NXPH1: variants seen among roughly 807,000 people sequenced by gnomAD.
NXPH1 encodes neurexophilin-1.
A neutral mutation model predicts 23.7 loss-of-function variants in NXPH1; 5 were observed. The ratio of observed to expected loss-of-function variants is 0.21; its 90% CI spans 0.11 to 0.44. The LOEUF is 0.44. NXPH1 is among the 20% of genes least tolerant of loss of function. NXPH1 has a pLI of 0.99. For synonymous variants in NXPH1, 144 were observed against 122.2 expected, an observed-to-expected ratio of 1.18 and a Z score of -1.18; for missense variants, 324 against 321.6, an observed-to-expected ratio of 1.01 and a Z score of -0.06.
chr7:8,750,601 A>C (rs910096163), intron 2 of NXPH1, among the ~76,000 whole-genome samples: 14 of 152,200 alleles, frequency 9.2e-5, no homozygotes, highest in Non-Finnish European at 2.1e-4. Flanking sequence ...TTTTGTGCTA[A>C]GAAGTAATTA....
chr7:8,585,334 T>G (rs1390054143), intron 2 of NXPH1, among the ~76,000 whole-genome samples: 2 of 139,058 alleles, frequency 1.4e-5, no homozygotes, highest in African/African-American at 3.2e-5. Context: ...TGCCTGGGAG[T>G]GGGGAGTTCA....
chr7:8,473,556 T>C (rs1029522), intron 2 of NXPH1, among the ~76,000 whole-genome samples: 57,610 of 151,948 alleles, frequency 0.38, 11,323 homozygotes, highest in East Asian at 0.61. Context: ...CTTATTATTG[T>C]ACTGTATTAT....
chr7:8,705,414 A>C (rs1432334074), intron 2 of NXPH1, among the ~76,000 whole-genome samples: 1 of 152,170 alleles, frequency 6.6e-6, no homozygotes, highest in East Asian at 1.9e-4. Context: ...GGAACTTTTC[A>C]TCCCTGCCAG....
chr7:8,572,620 G>A (rs897382798), intron 2 of NXPH1, among the ~76,000 whole-genome samples: 1 of 151,992 alleles, frequency 6.6e-6, no homozygotes, highest in African/African-American at 2.4e-5. Flanking sequence ...CTGATATTAA[G>A]CAGATGTGCT....
intron 2 of NXPH1, among the ~76,000 whole-genome samples, chr7:8,727,795 G>C (rs1158503212): frequency 2.0e-5 from 3 of 152,022 alleles, no homozygotes; most frequent in Non-Finnish European, 2.9e-5. Context: ...TTGTTCTTTT[G>C]GCTTAGGATT....
intron 2 of NXPH1, among the ~76,000 whole-genome samples, chr7:8,492,198 T>G (rs1263686249): frequency 1.3e-5 from 2 of 152,064 alleles, no homozygotes; most frequent in Admixed American, 6.6e-5. Context: ...AATTTTAGAT[T>G]TTTTCCTTTT....
intron 2 of NXPH1, among the ~76,000 whole-genome samples, chr7:8,699,533 C>T (rs1414750697): frequency 6.6e-6 from 1 of 152,098 alleles, no homozygotes; most frequent in East Asian, 1.9e-4. Context: ...ACAGATATGA[C>T]AGTTTTGTGA....
At chr7:8,487,052 G>A (rs1817170596) in intron 2 of NXPH1, among the ~76,000 whole-genome samples, 1 of 151,964 alleles carries the variant, frequency 6.6e-6, no homozygotes, top group Non-Finnish European at 1.5e-5. Context: ...ATTGCACATT[G>A]AGAGCCTTTA....
intron 2 of NXPH1, among the ~76,000 whole-genome samples, chr7:8,538,928 T>C (rs1167157584): frequency 6.6e-6 from 1 of 151,940 alleles, no homozygotes; most frequent in Non-Finnish European, 1.5e-5. Context: ...CCAATGTGTT[T>C]TGAATGTTTG....
At chr7:8,701,826 A>G (rs1174565249) in intron 2 of NXPH1, among the ~76,000 whole-genome samples, 1 of 152,100 alleles carries the variant, frequency 6.6e-6, no homozygotes, top group Non-Finnish European at 1.5e-5. Flanking sequence ...CAAAATTCTA[A>G]AAATAATAAC....
At chr7:8,546,861 A>C (rs937210660) in intron 2 of NXPH1, among the ~76,000 whole-genome samples, 2 of 151,436 alleles carry the variant, frequency 1.3e-5, no homozygotes, top group African/African-American at 4.8e-5. Flanking sequence ...AACCACAAGA[A>C]CAGTAATATC....
At chr7:8,523,577 T>C (rs1388152570) in intron 2 of NXPH1, among the ~76,000 whole-genome samples, 1 of 152,222 alleles carries the variant, frequency 6.6e-6, no homozygotes, top group African/African-American at 2.4e-5. Context: ...AAGGATTAGA[T>C]ACATTTGGGG....
chr7:8,723,919 A>G (rs958134368), intron 2 of NXPH1, among the ~76,000 whole-genome samples: 3 of 152,252 alleles, frequency 2.0e-5, no homozygotes, highest in Admixed American at 6.5e-5. Context: ...AGTAGCCAAC[A>G]TGAAGCTAGA....
At chr7:8,615,846 A>G (rs983107716) in intron 2 of NXPH1, among the ~76,000 whole-genome samples, 6 of 152,096 alleles carry the variant, frequency 3.9e-5, no homozygotes, top group African/African-American at 1.4e-4. Context: ...TGACAGCTGC[A>G]TGGGTTATAA....
At chr7:8,556,417 G>T (rs1383977893) in intron 2 of NXPH1, among the ~76,000 whole-genome samples, 1 of 151,676 alleles carries the variant, frequency 6.6e-6, no homozygotes, top group African/African-American at 2.4e-5. Flanking sequence ...CTGTCAAGTT[G>T]GTTCCGGTTG....
chr7:8,609,724 A>T (rs1308555437), intron 2 of NXPH1, among the ~76,000 whole-genome samples: 1 of 152,300 alleles, frequency 6.6e-6, no homozygotes, highest in African/African-American at 2.4e-5. Flanking sequence ...AATGATCTCA[A>T]CATGACACAA....
chr7:8,585,092 T>C (rs1818954627), intron 2 of NXPH1, among the ~76,000 whole-genome samples: 1 of 152,274 alleles, frequency 6.6e-6, no homozygotes, highest in Non-Finnish European at 1.5e-5. Context: ...ATATTTTTAC[T>C]GCTCTCTTTT....
intron 2 of NXPH1, among the ~76,000 whole-genome samples, chr7:8,722,352 C>G (rs1779982446): frequency 6.6e-6 from 1 of 152,146 alleles, no homozygotes; most frequent in African/African-American, 2.4e-5. Flanking sequence ...ATTTTCCCTT[C>G]AGAGCCTGAA....
chr7:8,704,961 A>G (rs924576390), intron 2 of NXPH1, among the ~76,000 whole-genome samples: 4 of 152,090 alleles, frequency 2.6e-5, no homozygotes, highest in African/African-American at 7.2e-5. Context: ...GCAACCACTA[A>G]CTAGGGTGAC....
Sources: gnomAD v4.1 joint callset for allele counts (sites outside exome capture counted in the v4.1 genomes callset) on GRCh38, gnomAD v4.1.1 for gene constraint, MANE v1.5 for transcripts, NCBI Gene and HGNC (gene_info 2026-07-23, HGNC 2026-07-21) for gene names.